VIRMA: variants seen among roughly 807,000 people sequenced by gnomAD.
VIRMA encodes the protein protein virilizer homolog.
VIRMA carries 65 observed loss-of-function variants against 182.4 expected under a neutral mutation model. The ratio of observed to expected loss-of-function variants is 0.36; its 90% confidence interval spans 0.29 to 0.44. The LOEUF (loss-of-function observed/expected upper bound fraction) is 0.44, where lower values mean the gene tolerates loss of function less well. Among genes scored for constraint, VIRMA ranks in the 20% least tolerant of loss-of-function variants. VIRMA has a pLI of 1.00. For synonymous variants in VIRMA, 709 were observed against 743.1 expected (o/e 0.95, Z 0.75); for missense variants, 1,752 against 2,158.1 (o/e 0.81, Z 3.73).
At chr8:94,529,364 C>A (rs140734944) in intron 6 of VIRMA, 22 bp from the exon 7 acceptor site, 452 of 1,403,782 alleles carry the variant, frequency 3.2e-4, no homozygotes, top group Non-Finnish European at 2.6e-4. Flanking sequence ...AGATTTAAGG[C>A]ACAGACTATT....
chr8:94,515,678 AT>A (rs1361577016), intron 10 of VIRMA, among the ~76,000 whole-genome samples: 2 of 152,008 alleles, frequency 1.3e-5, no homozygotes, highest in African/African-American at 4.8e-5. Context: ...AGCTTAAACA[AT>A]TTAGTTTTAA....
intron 1 of VIRMA, among the ~76,000 whole-genome samples, chr8:94,544,731 G>A (rs3099419): frequency 0.12 from 18,082 of 151,258 alleles, 1,585 homozygotes; most frequent in African/African-American, 0.24. Flanking sequence ...TAGACTGCAT[G>A]GCCAAATGAA....
intron 16 of VIRMA, among the ~76,000 whole-genome samples, chr8:94,505,811 A>T (rs972487002): frequency 3.3e-5 from 5 of 152,120 alleles, no homozygotes; most frequent in African/African-American, 1.2e-4. Flanking sequence ...ATTTCAGATT[A>T]ATTTTGTCCC....
intron 1 of VIRMA, among the ~76,000 whole-genome samples, chr8:94,552,694 C>G (rs1816038338): frequency 6.6e-6 from 1 of 152,078 alleles, no homozygotes; most frequent in South Asian, 2.1e-4. Context: ...TTAAGGGGCG[C>G]TCAAGTAGTT....
At chr8:94,508,228 TAC>T (rs1814237849) in intron 15 of VIRMA, among the ~76,000 whole-genome samples, 1 of 152,034 alleles carries the variant, frequency 6.6e-6, no homozygotes, top group Non-Finnish European at 1.5e-5. Context: ...TAGCTGGGAC[TAC>T]AGATGCATGC....
intron 1 of VIRMA, among the ~76,000 whole-genome samples, 192 bp from the exon 2 acceptor site, chr8:94,544,134 G>A (rs890402498): frequency 6.6e-6 from 1 of 151,916 alleles, no homozygotes; most frequent in African/African-American, 2.4e-5. Context: ...TTCTCAATTT[G>A]CCTAACATTT....
At chr8:94,521,307 T>G (rs550436874) in intron 8 of VIRMA, among the ~76,000 whole-genome samples, 1 of 152,296 alleles carries the variant, frequency 6.6e-6, no homozygotes, top group Admixed American at 6.5e-5. Context: ...CATGCAGTAT[T>G]TGGTTTTCTG....
intron 1 of VIRMA, among the ~76,000 whole-genome samples, chr8:94,547,984 A>AC (rs202107666): frequency 0.04 from 6,071 of 150,854 alleles, 220 homozygotes; most frequent in Non-Finnish European, 0.05. Context: ...GTAGTAAGCC[A>AC]TAAGCACACC....
At chr8:94,538,506 T>A (rs1331544568) in intron 2 of VIRMA, among the ~76,000 whole-genome samples, 160 bp from the exon 3 acceptor site, 5 of 152,244 alleles carry the variant, frequency 3.3e-5, no homozygotes, top group Non-Finnish European at 7.3e-5. Context: ...TGATATTGTA[T>A]GTAATTTTAT....
chr8:94,514,706 G>A (rs1047115863), intron 11 of VIRMA, among the ~76,000 whole-genome samples, 163 bp downstream of exon 11: 2 of 152,126 alleles, frequency 1.3e-5, no homozygotes, highest in Non-Finnish European at 2.9e-5. Flanking sequence ...ATAATCGCAC[G>A]TCCATCTATA....
intron 3 of VIRMA, 111 bp downstream of exon 3, chr8:94,538,149 G>A: frequency 2.6e-6 from 2 of 756,642 alleles, no homozygotes; most frequent in Middle Eastern, 2.3e-4. Context: ...TAAACCCTGT[G>A]TTCTTGGGTC....
chr8:94,507,901 A>ATG (rs1026165675), intron 15 of VIRMA, among the ~76,000 whole-genome samples: 9 of 149,180 alleles, frequency 6.0e-5, no homozygotes, highest in African/African-American at 2.0e-4. Context: ...ATGTATATAT[A>ATG]TGTATATATG....
intron 1 of VIRMA, among the ~76,000 whole-genome samples, chr8:94,549,296 A>G (rs1215251500): frequency 6.6e-6 from 1 of 152,240 alleles, no homozygotes; most frequent in Admixed American, 6.5e-5. Flanking sequence ...TGTGAAACTA[A>G]TAAATGTCTC....
chr8:94,553,403 A>G lies in VIRMA; in HGVS notation c.45T>C (p.Phe15=), dbSNP rs1816078702. The part of the protein sequence containing the change: ...SAMELLFLDT[F]KHPSAEQSSH... ...GCCTTACCTCAGCGCTCGGGTGTTT[A>G]AAAGTATCTAAAAATAACAGCTCCA... The change falls in exon 1 of 24, where the codon TTT becomes TTC. Residue 15 remains phenylalanine (F), a synonymous_variant. Transcript: ENST00000297591. The G allele has an allele frequency of 6.2e-7, 1 of 1,614,228 alleles. No individual in the cohort carries two copies.
At position 94,496,461 on chromosome 8, in the gene VIRMA, T is replaced by C. The variant is rs1249023825; in HGVS notation, c.4250A>G (p.Asn1417Ser). 1.2e-6 allele frequency: 2 copies of C among 1,611,998 alleles called. No individual in the cohort carries two copies. The highest frequency in any genetic ancestry group is 2.7e-5 in the African/African-American group (2 of 74,880). The change falls in exon 18 of 24, where the codon AAT (asparagine) becomes AGT (serine). Residue 1417 changes from asparagine (N) to serine (S), a missense_variant. Physicochemically the swap from Asn to Ser is conservative, Grantham distance 46. This residue lies in a region of VIRMA where 777 missense variants were observed against 920.6 expected (regional missense o/e 0.84). Coordinates refer to ENST00000297591, the MANE Select transcript of VIRMA (RefSeq NM_015496.5). The stretch of plus-strand genomic sequence containing the variant: ...AGCTCCCTCTACTTCCATGAGACCA[T>C]TATCATCTCCACAGCATCCCTGTAA... ...SDTIGCCGDD[N>S]GLMEVEGAHT...
At chr8:94,548,027 C>G (rs959773148) in intron 1 of VIRMA, among the ~76,000 whole-genome samples, 2 of 150,612 alleles carry the variant, frequency 1.3e-5, no homozygotes, top group Admixed American at 1.3e-4. Context: ...AGAGCAAGAC[C>G]CTGTTTCAAA....
intron 11 of VIRMA, among the ~76,000 whole-genome samples, chr8:94,513,468 T>C (rs1814447510): frequency 1.3e-5 from 2 of 152,034 alleles, no homozygotes; most frequent in Non-Finnish European, 2.9e-5. Flanking sequence ...TTTTAGCTTT[T>C]CTTTTATTCT....
At chr8:94,513,770 C>A (rs1814455532) in intron 11 of VIRMA, among the ~76,000 whole-genome samples, 1 of 152,048 alleles carries the variant, frequency 6.6e-6, no homozygotes, top group Non-Finnish European at 1.5e-5. Context: ...AATACATGAC[C>A]ATCTAAATTT....
chr8:94,515,772 T>C (rs368184875), intron 10 of VIRMA, among the ~76,000 whole-genome samples: 1 of 152,234 alleles, frequency 6.6e-6, no homozygotes, highest in Non-Finnish European at 1.5e-5. Context: ...ATAATTAAAA[T>C]GAATTTTTAT....
Sources: allele counts gnomAD v4.1 joint callset (sites outside exome capture counted in the v4.1 genomes callset), GRCh38; gene constraint gnomAD v4.1.1; regional missense constraint gnomAD v4.1.1; transcripts MANE v1.5; gene names NCBI Gene and HGNC (gene_info 2026-07-23, HGNC 2026-07-21).